The following TOP6BL variants were observed in gnomAD, a reference collection of about 807,000 sequenced individuals.
TOP6BL encodes type 2 DNA topoisomerase 6 subunit B-like.
the TOP6BL span, chr11:66,771,446 C>G: frequency 2.0e-5 from 3 of 152,606 alleles, no homozygotes; most frequent in African/African-American, 7.2e-5. Flanking sequence ...AACCCCGTCT[C>G]TACTGCAATA....
the TOP6BL span, among the ~76,000 whole-genome samples, chr11:66,792,773 C>A: frequency 1.2e-4 from 19 of 152,300 alleles, no homozygotes; most frequent in South Asian, 4.1e-4. Flanking sequence ...CCAGTAGTTG[C>A]TCAAGGAACT....
At chr11:66,754,401 A>G in the TOP6BL span, among the ~76,000 whole-genome samples, 1 of 152,188 alleles carries the variant, frequency 6.6e-6, no homozygotes, top group East Asian at 1.9e-4. Context: ...GAGTATATAA[A>G]GATTTTTTTA....
the TOP6BL span, among the ~76,000 whole-genome samples, chr11:66,762,785 T>C: frequency 6.6e-6 from 1 of 152,124 alleles, no homozygotes; most frequent in Admixed American, 6.5e-5. Context: ...TTTCTTTATC[T>C]TGGTCATATC....
the TOP6BL span, among the ~76,000 whole-genome samples, chr11:66,801,974 G>C: frequency 6.6e-6 from 1 of 152,084 alleles, no homozygotes; most frequent in African/African-American, 2.4e-5. Flanking sequence ...GTCAAGAAAA[G>C]ACCTAACATA....
chr11:66,805,852 C>T, the TOP6BL span, among the ~76,000 whole-genome samples: 1 of 152,104 alleles, frequency 6.6e-6, no homozygotes, highest in African/African-American at 2.4e-5. Flanking sequence ...TTTTATTACA[C>T]ATTTAAAATG....
chr11:66,794,930 C>T, the TOP6BL span, among the ~76,000 whole-genome samples: 4 of 152,154 alleles, frequency 2.6e-5, no homozygotes, highest in East Asian at 7.8e-4. Flanking sequence ...GTGAGGAGTT[C>T]GAGACCAGCC....
the TOP6BL span, chr11:66,842,816 A>G: frequency 1.3e-6 from 2 of 1,526,046 alleles, no homozygotes; most frequent in Non-Finnish European, 1.8e-6. Flanking sequence ...CAGGGCCATG[A>G]AAGTAAGATG....
At chr11:66,788,991 C>T in the TOP6BL span, among the ~76,000 whole-genome samples, 1 of 152,132 alleles carries the variant, frequency 6.6e-6, no homozygotes, top group Non-Finnish European at 1.5e-5. Context: ...CCCTTGTGAC[C>T]TCATTTAATC....
chr11:66,833,723 GGATCACTT>G, the TOP6BL span, among the ~76,000 whole-genome samples: 1 of 152,070 alleles, frequency 6.6e-6, no homozygotes, highest in Non-Finnish European at 1.5e-5. Flanking sequence ...CAAGGCAGGT[GGATCACTT>G]GAGGTCAGGA....
chr11:66,748,872 A>C, the TOP6BL span, among the ~76,000 whole-genome samples: 1 of 131,668 alleles, frequency 7.6e-6, no homozygotes, highest in East Asian at 2.2e-4. Context: ...TGGCAGTAGC[A>C]AAAAAAAAAA....
the TOP6BL span, among the ~76,000 whole-genome samples, chr11:66,785,227 G>T: frequency 6.6e-6 from 1 of 151,798 alleles, no homozygotes; most frequent in Non-Finnish European, 1.5e-5. Flanking sequence ...CCAAAGTGCT[G>T]GGATTACAGG....
the TOP6BL span, among the ~76,000 whole-genome samples, chr11:66,836,100 G>C: frequency 6.6e-6 from 1 of 152,116 alleles, no homozygotes; most frequent in Admixed American, 6.6e-5. Flanking sequence ...AAGTAATTTC[G>C]TGGTTTTGAT....
the TOP6BL span, among the ~76,000 whole-genome samples, chr11:66,772,685 A>G: frequency 6.6e-6 from 1 of 151,908 alleles, no homozygotes; most frequent in Non-Finnish European, 1.5e-5. Context: ...CAGCAGAATC[A>G]GCTGAACCTG....
chr11:66,815,909 A>G, the TOP6BL span: 1 of 698,068 alleles, frequency 1.4e-6, no homozygotes, highest in Admixed American at 3.2e-5. Flanking sequence ...GGATAGAGAA[A>G]CAGGTTCAGG....
the TOP6BL span, among the ~76,000 whole-genome samples, chr11:66,812,185 C>CTTTTTTTTTTTTTTTTT: frequency 1.4e-5 from 2 of 140,306 alleles, no homozygotes; most frequent in African/African-American, 2.7e-5. Flanking sequence ...GAGTTTGCAT[C>CTTTTTTTTTTTTTTTTT]TTTTTTTTTG....
At chr11:66,776,334 C>T in the TOP6BL span, among the ~76,000 whole-genome samples, 3 of 151,950 alleles carry the variant, frequency 2.0e-5, no homozygotes, top group Admixed American at 6.6e-5. Context: ...GCTGGAACTA[C>T]AGGCATGAGC....
At chr11:66,766,733 G>A in the TOP6BL span, among the ~76,000 whole-genome samples, 1 of 152,180 alleles carries the variant, frequency 6.6e-6, no homozygotes, top group Non-Finnish European at 1.5e-5. Context: ...TAACTATGCT[G>A]ATGAGACTTA....
At chr11:66,836,580 A>T in the TOP6BL span, among the ~76,000 whole-genome samples, 1 of 148,472 alleles carries the variant, frequency 6.7e-6, no homozygotes, top group African/African-American at 2.5e-5. Context: ...GGGCCAGGCA[A>T]GGTGGCTCAC....
At chr11:66,788,286 T>G in the TOP6BL span, 1 of 1,493,786 alleles carries the variant, frequency 6.7e-7, no homozygotes, top group Non-Finnish European at 9.3e-7. Context: ...TTTGTTGTGG[T>G]CTTATAAATT....
Sources: gnomAD v4.1 joint callset for allele counts (sites outside exome capture counted in the v4.1 genomes callset) on GRCh38, gnomAD v4.1.1 for gene constraint, MANE v1.5 for transcripts, NCBI Gene and HGNC (gene_info 2026-07-23, HGNC 2026-07-21) for gene names.